CACNA2D2: variants seen among roughly 807,000 people sequenced by gnomAD.
The protein encoded by CACNA2D2 is calcium voltage-gated channel auxiliary subunit alpha2delta 2.
A neutral mutation model predicts 166.4 loss-of-function variants in CACNA2D2; 48 were observed. The ratio of observed to expected loss-of-function variants is 0.29; its 90% confidence interval spans 0.23 to 0.37. CACNA2D2 has a LOEUF of 0.37. Among genes scored for constraint, CACNA2D2 ranks in the 10% least tolerant of loss-of-function variants. The probability of loss-of-function intolerance (pLI) is 1.00; values close to 1 mark genes in which losing one functional copy is unlikely to be tolerated. For missense variants in CACNA2D2, 1,122 were observed against 1,433.0 expected, an observed-to-expected ratio of 0.78 and a Z score of 3.50; for synonymous variants, 561 against 573.7, an observed-to-expected ratio of 0.98 and a Z score of 0.32.
intron 3 of CACNA2D2, among the ~76,000 whole-genome samples, chr3:50,401,342 C>G (rs1474040551): frequency 3.3e-5 from 5 of 152,128 alleles, no homozygotes; most frequent in Admixed American, 2.6e-4. Context: ...TGCAGCAGGG[C>G]AGCCGCCACT....
At chr3:50,441,164 G>C (rs1263481398) in intron 2 of CACNA2D2, among the ~76,000 whole-genome samples, 1 of 152,078 alleles carries the variant, frequency 6.6e-6, no homozygotes, top group Admixed American at 6.5e-5. Flanking sequence ...CTGACCACAA[G>C]GTGAGAAAGG....
chr3:50,449,004 G>C (rs1020335533), intron 2 of CACNA2D2, among the ~76,000 whole-genome samples: 13 of 152,300 alleles, frequency 8.5e-5, no homozygotes, highest in African/African-American at 2.9e-4. Flanking sequence ...AGAGGATCTG[G>C]AAACATCACG....
At chr3:50,480,899 G>C (rs1355945368) in intron 1 of CACNA2D2, among the ~76,000 whole-genome samples, 2 of 24,780 alleles carry the variant, frequency 8.1e-5, no homozygotes, top group African/African-American at 2.1e-4. Flanking sequence ...GGGGAGGAAG[G>C]GGGAGGAAAG....
intron 2 of CACNA2D2, among the ~76,000 whole-genome samples, chr3:50,451,377 C>G (rs1284568197): frequency 6.6e-6 from 1 of 152,108 alleles, no homozygotes; most frequent in Non-Finnish European, 1.5e-5. Context: ...CTGCCCACCT[C>G]GGCCTCCCAA....
intron 2 of CACNA2D2, among the ~76,000 whole-genome samples, chr3:50,462,938 G>T (rs1709659911): frequency 6.6e-6 from 1 of 152,060 alleles, no homozygotes; most frequent in Non-Finnish European, 1.5e-5. Context: ...TAGAAGGATA[G>T]AGAGAGAAGA....
chr3:50,406,523 C>G (rs533119034), intron 3 of CACNA2D2, among the ~76,000 whole-genome samples: 1 of 151,800 alleles, frequency 6.6e-6, no homozygotes, highest in East Asian at 2.1e-4. Context: ...CCATCATCCC[C>G]ATCATCACTG....
At chr3:50,479,892 A>T (rs535966111) in intron 1 of CACNA2D2, among the ~76,000 whole-genome samples, 1 of 152,284 alleles carries the variant, frequency 6.6e-6, no homozygotes, top group Admixed American at 6.5e-5. Flanking sequence ...GTAATTTTCC[A>T]TGCTTTTCAT....
chr3:50,486,553 G>A (rs1295205712), intron 1 of CACNA2D2, among the ~76,000 whole-genome samples: 2 of 152,080 alleles, frequency 1.3e-5, no homozygotes, highest in African/African-American at 2.4e-5. Context: ...CAGGCCCCCC[G>A]AGGACATCCA....
At chr3:50,501,544 C>T (rs766209179) in intron 1 of CACNA2D2, among the ~76,000 whole-genome samples, 1 of 152,252 alleles carries the variant, frequency 6.6e-6, no homozygotes, top group Non-Finnish European at 1.5e-5. Context: ...TAGGTGCCTA[C>T]TCTGGTCAGG....
rs750433261 is a variant in CACNA2D2 at position 50,438,502 on chromosome 3, G to GT, written c.289-4074dup. On this transcript the variant is annotated intron_variant, in intron 2 of 37. Transcript: ENST00000424201. Reference sequence around the variant, plus strand: ...CCTCCTGCTTCCCCCATGGCTCCGTGTAAGTGGGAGGCGAGCCTGGAGGAC... The same window carrying GT: ...CCTCCTGCTTCCCCCATGGCTCCGTGTTAAGTGGGAGGCGAGCCTGGAGGAC... 2.6e-5 allele frequency among the ~76,000 whole-genome samples: 4 copies of GT among 152,294 alleles called. No homozygotes were observed. The East Asian group carries it at 5.8e-4, about 22-fold the overall frequency.
At position 50,434,373 on chromosome 3, in the gene CACNA2D2, C is replaced by A. The variant is rs1170683310; in HGVS notation, c.345G>T (p.Leu115Phe). The A allele has an allele frequency of 6.2e-6, 10 of 1,614,056 alleles. No individual in the cohort carries two copies. Among genetic ancestry groups the A allele is most frequent in the Non-Finnish European group, 7.6e-6 (9 of 1,180,018 alleles). ...FEVQENEPQK[L>F]VEKVAGDIES... ...CAATGTCCCCTGCCACCTTCTCCAC[C>A]AACTTCTGAGGCTCATTCTCCTGTA... Residue 115 changes from leucine to phenylalanine, a missense_variant, in exon 3 of 38, where the codon TTG (leucine) becomes TTT (phenylalanine). Leu to Phe is a conservative substitution (Grantham distance 22, BLOSUM62 0). This residue lies in a region of CACNA2D2 where 840 missense variants were observed against 1,166.8 expected (regional missense o/e 0.72). Coordinates refer to ENST00000424201, the MANE Select transcript of CACNA2D2 (RefSeq NM_006030.4).
intron 2 of CACNA2D2, among the ~76,000 whole-genome samples, chr3:50,434,921 T>A (rs755138403): frequency 1.5e-4 from 23 of 152,222 alleles, no homozygotes; most frequent in Non-Finnish European, 2.4e-4. Flanking sequence ...TGCTCAGGCA[T>A]CTGGACCCTT....
At chr3:50,410,925 G>A (rs1361983154) in intron 3 of CACNA2D2, among the ~76,000 whole-genome samples, 3 of 152,264 alleles carry the variant, frequency 2.0e-5, no homozygotes, top group African/African-American at 7.2e-5. Flanking sequence ...TGCAGACATG[G>A]GAAAGCACAT....
chr3:50,381,709 G>T (rs773721140), intron 6 of CACNA2D2, among the ~76,000 whole-genome samples: 4 of 152,022 alleles, frequency 2.6e-5, no homozygotes, highest in Non-Finnish European at 5.9e-5. Context: ...ACAGGCAAGT[G>T]TACTTGTACA....
chr3:50,460,697 A>G, intron 2 of CACNA2D2, among the ~76,000 whole-genome samples: 1 of 152,024 alleles, frequency 6.6e-6, no homozygotes, highest in Non-Finnish European at 1.5e-5. Flanking sequence ...TACTAAAAAT[A>G]TAAAAAATTA....
intron 1 of CACNA2D2, among the ~76,000 whole-genome samples, chr3:50,498,548 TG>T (rs1202865152): frequency 2.6e-5 from 4 of 151,956 alleles, no homozygotes; most frequent in Non-Finnish European, 4.4e-5. Context: ...AACTCAAAGC[TG>T]GGGGAAGGAA....
At position 50,379,927 on chromosome 3, in the gene CACNA2D2, C is replaced by T. The variant is rs780747168; in HGVS notation, c.893+41G>A. 8 of 1,613,566 alleles carry T rather than the reference C, an allele frequency of 5.0e-6. No individual in the cohort carries two copies. The highest frequency in any genetic ancestry group is 3.3e-5 in the Admixed American group (2 of 59,998). On this transcript the variant is annotated intron_variant, in intron 9 of 37. Transcript: ENST00000424201. This position sits in a 1 kb window ranked among gnomAD's most constrained non-coding sequence, Gnocchi z 6.5. ...GGGCAGCAGAGTCTAGCCCATTGCC[C>T]GTCCCTGCCCCAGCCCCACTTGCCA... is the stretch of plus-strand genomic sequence containing the variant.
intron 1 of CACNA2D2, among the ~76,000 whole-genome samples, chr3:50,488,832 T>G (rs1488270823): frequency 6.6e-6 from 1 of 151,980 alleles, no homozygotes; most frequent in Non-Finnish European, 1.5e-5. Context: ...CCCGAGTACC[T>G]GGGACTACGG....
chr3:50,452,175 G>C (rs1487949823), intron 2 of CACNA2D2, among the ~76,000 whole-genome samples: 1 of 152,192 alleles, frequency 6.6e-6, no homozygotes, highest in African/African-American at 2.4e-5. Context: ...GGCCTCAATG[G>C]GGACAGCTCT....
Sources: gnomAD v4.1 joint callset for allele counts (sites outside exome capture counted in the v4.1 genomes callset) on GRCh38, gnomAD v4.1.1 for gene constraint, gnomAD v4.1.1 regional missense constraint, Gnocchi (gnomAD v3.1) non-coding constraint, MANE v1.5 for transcripts, NCBI Gene and HGNC (gene_info 2026-07-23, HGNC 2026-07-21) for gene names.